DLG2: variants seen among roughly 807,000 people sequenced by gnomAD.
The protein encoded by DLG2 is discs large MAGUK scaffold protein 2.
In DLG2, 45 loss-of-function variants were observed where a neutral mutation model predicts 132.5. That is an observed-to-expected ratio of 0.34 (90% CI 0.27 to 0.44). The LOEUF (loss-of-function observed/expected upper bound fraction) is 0.44. Ranked by LOEUF, DLG2 falls within the 20% of genes least tolerant of loss-of-function variation. DLG2 has a pLI of 1.00. For synonymous variants in DLG2, 424 were observed against 419.6 expected (o/e 1.01, Z -0.13); for missense variants, 1,045 against 1,196.9 (o/e 0.87, Z 1.87).
At chr11:84,916,000 G>A (rs968719405) in intron 6 of DLG2, among the ~76,000 whole-genome samples, 4 of 152,070 alleles carry the variant, frequency 2.6e-5, no homozygotes, top group East Asian at 1.9e-4. Flanking sequence ...AATCATGAAC[G>A]TATACATATG....
At chr11:85,156,964 G>A (rs542318026) in intron 4 of DLG2, among the ~76,000 whole-genome samples, 1 of 152,324 alleles carries the variant, frequency 6.6e-6, no homozygotes, top group Admixed American at 6.5e-5. Context: ...TGTCTGTGAG[G>A]TTGTTGCCAA....
intron 7 of DLG2, among the ~76,000 whole-genome samples, chr11:84,396,873 T>C (rs151311217): frequency 1.2e-4 from 19 of 152,298 alleles, no homozygotes; most frequent in African/African-American, 4.1e-4. Context: ...CTCTTTTATT[T>C]TGTGACGGTG....
intron 6 of DLG2, among the ~76,000 whole-genome samples, chr11:84,838,793 C>T (rs34658864): frequency 0.07 from 10,629 of 152,008 alleles, 551 homozygotes; most frequent in Non-Finnish European, 0.11. Flanking sequence ...AATTCAACAA[C>T]GCTTCATGCT....
intron 3 of DLG2, among the ~76,000 whole-genome samples, chr11:85,518,091 T>C (rs1323106375): frequency 1.3e-5 from 2 of 152,186 alleles, no homozygotes; most frequent in African/African-American, 2.4e-5. Context: ...CAGGTATGTC[T>C]TTATCAGCAG....
At chr11:85,168,129 T>C (rs567089234) in intron 4 of DLG2, among the ~76,000 whole-genome samples, 59 of 152,192 alleles carry the variant, frequency 3.9e-4, no homozygotes, top group African/African-American at 1.4e-3. Context: ...TTAAATTGTA[T>C]TACATGCAAA....
chr11:83,674,904 C>T (rs1013453510), intron 18 of DLG2, among the ~76,000 whole-genome samples: 3 of 152,196 alleles, frequency 2.0e-5, no homozygotes, highest in Non-Finnish European at 4.4e-5. Flanking sequence ...GGAGCATACC[C>T]ACCAGGTAGG....
chr11:85,501,659 T>C (rs1436109767), intron 3 of DLG2, among the ~76,000 whole-genome samples: 1 of 151,912 alleles, frequency 6.6e-6, no homozygotes, highest in Non-Finnish European at 1.5e-5. Context: ...CCAACAGACA[T>C]ATGAAAAAAT....
At chr11:84,534,252 G>T (rs1332448372) in intron 7 of DLG2, among the ~76,000 whole-genome samples, 6 of 152,178 alleles carry the variant, frequency 3.9e-5, no homozygotes, top group African/African-American at 1.4e-4. Context: ...GAGAGCATCT[G>T]AGCAAAACCT....
intron 14 of DLG2, among the ~76,000 whole-genome samples, chr11:83,954,640 A>T (rs948380181): frequency 6.6e-6 from 1 of 152,170 alleles, no homozygotes; most frequent in African/African-American, 2.4e-5. Flanking sequence ...AAGGAGTCTG[A>T]TGTCATGTTT....
chr11:84,175,580 C>T (rs1195920925), intron 8 of DLG2, among the ~76,000 whole-genome samples: 1 of 152,064 alleles, frequency 6.6e-6, no homozygotes, highest in Non-Finnish European at 1.5e-5. Context: ...TATAGGTCAC[C>T]CTTTCAGCAG....
intron 18 of DLG2, among the ~76,000 whole-genome samples, chr11:83,690,937 A>T (rs2080883093): frequency 6.6e-6 from 1 of 152,182 alleles, no homozygotes; most frequent in South Asian, 2.1e-4. Flanking sequence ...CTGCTTTTGC[A>T]CTACAATGGC....
At chr11:85,356,806 A>G (rs911064565) in intron 3 of DLG2, among the ~76,000 whole-genome samples, 7 of 151,908 alleles carry the variant, frequency 4.6e-5, no homozygotes, top group African/African-American at 1.7e-4. Flanking sequence ...ATAGATAGAT[A>G]GATAGATAGA....
intron 6 of DLG2, among the ~76,000 whole-genome samples, chr11:85,046,946 T>G (rs2062404081): frequency 6.6e-6 from 1 of 151,946 alleles, no homozygotes; most frequent in Non-Finnish European, 1.5e-5. Context: ...ATGTTCTTTT[T>G]ATTTGTTTGT....
chr11:85,008,124 T>C (rs1462660575), intron 6 of DLG2, among the ~76,000 whole-genome samples: 1 of 152,194 alleles, frequency 6.6e-6, no homozygotes, highest in East Asian at 1.9e-4. Context: ...CATTATTTTA[T>C]GTTAGGTTTC....
chr11:84,822,689 T>C (rs917477787), intron 6 of DLG2, among the ~76,000 whole-genome samples: 3 of 151,938 alleles, frequency 2.0e-5, no homozygotes, highest in Non-Finnish European at 4.4e-5. Flanking sequence ...CATTGTATTT[T>C]CTTATGGAGA....
chr11:84,653,936 A>G (rs1332039900), intron 6 of DLG2, among the ~76,000 whole-genome samples: 2 of 152,194 alleles, frequency 1.3e-5, no homozygotes, highest in African/African-American at 4.8e-5. Context: ...TCCTGCAGAA[A>G]AGATCTTTAG....
At chr11:84,903,133 T>C (rs1384958017) in intron 6 of DLG2, among the ~76,000 whole-genome samples, 2 of 152,144 alleles carry the variant, frequency 1.3e-5, no homozygotes, top group East Asian at 1.9e-4. Context: ...CACTCCTCTA[T>C]TTCAAGACAT....
At chr11:83,880,337 T>A (rs981003863) in intron 15 of DLG2, among the ~76,000 whole-genome samples, 1 of 152,128 alleles carries the variant, frequency 6.6e-6, no homozygotes, top group South Asian at 2.1e-4. Context: ...GTGAAGAATA[T>A]TAATAAATGC....
chr11:85,140,462 T>C (rs2076393861), intron 5 of DLG2, among the ~76,000 whole-genome samples: 1 of 151,904 alleles, frequency 6.6e-6, no homozygotes, highest in Admixed American at 6.6e-5. Flanking sequence ...TACATGATAG[T>C]TATATATATT....
Sources: gnomAD v4.1 joint callset for allele counts (sites outside exome capture counted in the v4.1 genomes callset) on GRCh38, gnomAD v4.1.1 for gene constraint, MANE v1.5 for transcripts, NCBI Gene and HGNC (gene_info 2026-07-23, HGNC 2026-07-21) for gene names.